ZNF831: variants seen among roughly 807,000 people sequenced by gnomAD.
The protein encoded by ZNF831 is chromosome 20 open reading frame 174.
Under a neutral mutation model 95.8 loss-of-function variants are expected in ZNF831, and 59 were observed. The observed-to-expected ratio is 0.62, with a 90% CI of 0.50 to 0.77. ZNF831 has a LOEUF of 0.77. ZNF831 is among the 30% of genes least tolerant of loss of function. The pLI is 0.00. For synonymous variants in ZNF831, 961 were observed against 925.5 expected, an observed-to-expected ratio of 1.04 and a Z score of -0.70; for missense variants, 2,205 against 2,164.0, an observed-to-expected ratio of 1.02 and a Z score of -0.38.
chr20:59,233,826 C>A (rs1986863217), intron 4 of ZNF831, among the ~76,000 whole-genome samples: 1 of 152,186 alleles, frequency 6.6e-6, no homozygotes, highest in African/African-American at 2.4e-5. Context: ...TCAGAGCTAA[C>A]AACTCTGATC....
chr20:59,250,795 TATA>T (rs1410187706), intron 4 of ZNF831, among the ~76,000 whole-genome samples: 1 of 152,084 alleles, frequency 6.6e-6, no homozygotes, highest in Admixed American at 6.5e-5. Flanking sequence ...CTCATTGGAA[TATA>T]AAGTTGAGGA....
Position 59,254,764 on chromosome 20 carries a change from G to C in ZNF831, c.*21G>C. On this transcript the variant is annotated 3_prime_UTR_variant, in exon 6 of 6. Transcript: ENST00000371030. This position sits in a 1 kb window ranked among gnomAD's most constrained non-coding sequence, Gnocchi z 4.5. ...TATGAAGCTTCCAGAGAAACATGGT[G>C]TCTGGTCAAAAAGACTGTTGACGCT... is the stretch of plus-strand genomic sequence containing the variant. 2 of 1,524,964 alleles carry C rather than the reference G, an allele frequency of 1.3e-6. No homozygotes were observed. The highest frequency in any genetic ancestry group is 1.8e-6 in the Non-Finnish European group (2 of 1,141,148). The allele number at this position is 1,524,964 out of a possible 1,614,324, so 94.5% of individuals were successfully genotyped here. A position where few individuals can be genotyped will look rare whatever the true frequency, so the allele number is the denominator to read the frequency against.
rs567094591 is a variant in ZNF831 at position 59,192,147 on chromosome 20, G to A, written c.1128G>A (p.Glu376=). 28 of 1,560,326 alleles carry A rather than the reference G, an allele frequency of 1.8e-5. No individual in the cohort carries two copies. The East Asian group carries it at 6.4e-4, about 36-fold the overall frequency. ...AGCACAGCGCCGAGTCCGAGGGGGA[G>A]GGCGGCCCGGGCCCGGGGCCAGGGG... ...LSEHSAESEG[E]GGPGPGPGVA... Residue 376 remains glutamate (E), a synonymous_variant, in exon 2 of 6, where the codon GAG becomes GAA. Transcript: ENST00000371030. This position sits in a 1 kb window ranked among gnomAD's most constrained non-coding sequence, Gnocchi z 5.2.
intron 1 of ZNF831, among the ~76,000 whole-genome samples, chr20:59,186,124 C>T (rs1289884230): frequency 2.6e-5 from 4 of 152,330 alleles, no homozygotes; most frequent in Admixed American, 1.3e-4. Context: ...ACATGATCTC[C>T]TGGTGTCCCC....
chr20:59,234,423 C>T (rs192595400), intron 4 of ZNF831, among the ~76,000 whole-genome samples: 69 of 152,236 alleles, frequency 4.5e-4, no homozygotes, highest in African/African-American at 1.6e-3. Context: ...GGGCTCTGCC[C>T]GTTAGATAGT....
At chr20:59,245,135 C>T (rs1197174656) in intron 4 of ZNF831, among the ~76,000 whole-genome samples, 2 of 152,152 alleles carry the variant, frequency 1.3e-5, no homozygotes, top group East Asian at 3.8e-4. Context: ...GAGTGGGCGG[C>T]GCATGTGAGT....
At chr20:59,233,059 C>G (rs6015460) in intron 4 of ZNF831, among the ~76,000 whole-genome samples, 32 of 133,072 alleles carry the variant, frequency 2.4e-4, no homozygotes, top group South Asian at 7.0e-4. Flanking sequence ...GAGAGAGAGA[C>G]AGACAGAGAC....
At chr20:59,243,010 C>T (rs1414947641) in intron 4 of ZNF831, among the ~76,000 whole-genome samples, 1 of 152,190 alleles carries the variant, frequency 6.6e-6, no homozygotes, top group African/African-American at 2.4e-5. Flanking sequence ...TTATCTTCAG[C>T]TACGTGTATA....
chr20:59,235,351 T>G (rs1262250168), intron 4 of ZNF831, among the ~76,000 whole-genome samples: 1 of 152,166 alleles, frequency 6.6e-6, no homozygotes, highest in African/African-American at 2.4e-5. Context: ...CTGCCAAAAG[T>G]ATCTGGTACC....
At chr20:59,140,612 G>A (rs943781034) in intron 1 of ZNF831, among the ~76,000 whole-genome samples, 5 of 152,148 alleles carry the variant, frequency 3.3e-5, no homozygotes, top group South Asian at 2.1e-4. Context: ...CAATGCTAAC[G>A]TCTTATTTAA....
At chr20:59,132,271 C>T (rs1312747809) in intron 1 of ZNF831, among the ~76,000 whole-genome samples, 2 of 144,072 alleles carry the variant, frequency 1.4e-5, no homozygotes, top group African/African-American at 2.6e-5. Flanking sequence ...CAAGTTTCTT[C>T]TTGTTGGAGG....
chr20:59,220,556 G>C (rs543818558), intron 4 of ZNF831, among the ~76,000 whole-genome samples: 1 of 152,324 alleles, frequency 6.6e-6, no homozygotes, highest in East Asian at 1.9e-4. Flanking sequence ...CCAGCCTCTT[G>C]ATCATGCCAT....
At chr20:59,245,419 G>A (rs908124244) in intron 4 of ZNF831, among the ~76,000 whole-genome samples, 3 of 152,138 alleles carry the variant, frequency 2.0e-5, no homozygotes, top group Non-Finnish European at 2.9e-5. Context: ...GCAGGCACCC[G>A]AATTAGCAAT....
Position 59,191,604 on chromosome 20 carries a change from G to T in ZNF831, c.585G>T (p.Thr195=). The change falls in exon 2 of 6, where the codon ACG becomes ACT. Residue 195 remains threonine (T), a synonymous_variant. Coordinates refer to ENST00000371030, the MANE Select transcript of ZNF831 (RefSeq NM_178457.3). ...TCTACAAGCACAGGCGGACGCAGACGCACCTCAACAACTCCCGGCTGTCCT... is the reference window on the plus strand; with the variant it reads ...TCTACAAGCACAGGCGGACGCAGACTCACCTCAACAACTCCCGGCTGTCCT... ...SNLYKHRRTQ[T]HLNNSRLSSE... is the part of the protein sequence containing the mutation. The T allele has an allele frequency of 6.3e-7, 1 of 1,596,346 alleles. No individual in the cohort carries two copies. The highest frequency in any genetic ancestry group is 1.1e-5 in the South Asian group (1 of 88,964).
chr20:59,199,123 CT>C (rs1358777190), intron 3 of ZNF831, among the ~76,000 whole-genome samples: 3 of 120,034 alleles, frequency 2.5e-5, no homozygotes, highest in African/African-American at 9.5e-5. Flanking sequence ...ATCTATCTAT[CT>C]ATCTATCTAT....
At chr20:59,170,349 C>G (rs1160599033) in intron 1 of ZNF831, among the ~76,000 whole-genome samples, 2 of 152,158 alleles carry the variant, frequency 1.3e-5, no homozygotes, top group Admixed American at 1.3e-4. Context: ...TTTCACACGT[C>G]AGTGTATTTT....
rs1988223439 is a variant in ZNF831 at position 59,257,131 on chromosome 20, C to A, written c.*2388C>A. On this transcript the variant is annotated 3_prime_UTR_variant, in exon 6 of 6. Coordinates refer to ENST00000371030, the MANE Select transcript of ZNF831 (RefSeq NM_178457.3). ...GAAGCTCTGTCCCTATAGGAGCCAC[C>A]GTTGCCAGCTGTCACATCCCAACCT... The A allele has an allele frequency of 6.6e-6, 1 of 152,160 alleles. No homozygotes were observed. Among genetic ancestry groups the A allele is most frequent in the Admixed American group, 6.5e-5 (1 of 15,282 alleles). The allele number at this position is 152,160 out of a possible 1,614,324, so 9.4% of individuals were successfully genotyped here. A position where few individuals can be genotyped will look rare whatever the true frequency, so the allele number is the denominator to read the frequency against.
At chr20:59,139,886 A>G (rs1182294481) in intron 1 of ZNF831, among the ~76,000 whole-genome samples, 1 of 152,226 alleles carries the variant, frequency 6.6e-6, no homozygotes, top group Non-Finnish European at 1.5e-5. Flanking sequence ...TCTGAATTGA[A>G]CAGTGATTCA....
At chr20:59,176,366 G>A (rs547730147) in intron 1 of ZNF831, among the ~76,000 whole-genome samples, 1 of 152,256 alleles carries the variant, frequency 6.6e-6, no homozygotes, top group Admixed American at 6.5e-5. Flanking sequence ...GGATGTGATG[G>A]CCTTCTTGAT....
Sources: gnomAD v4.1 joint callset for allele counts (sites outside exome capture counted in the v4.1 genomes callset) on GRCh38, gnomAD v4.1.1 for gene constraint, Gnocchi (gnomAD v3.1) non-coding constraint, MANE v1.5 for transcripts, NCBI Gene and HGNC (gene_info 2026-07-23, HGNC 2026-07-21) for gene names.